PLA2G7: variants seen among roughly 807,000 people sequenced by gnomAD.
PLA2G7 encodes platelet-activating factor acetylhydrolase.
A neutral mutation model predicts 49.6 loss-of-function variants in PLA2G7; 63 were observed. The observed-to-expected ratio is 1.27, with a 90% confidence interval of 1.04 to 1.57. PLA2G7 has a LOEUF of 1.57. Ranked by LOEUF, PLA2G7 falls within the 40% of genes most tolerant of loss-of-function variation. The pLI is 0.00. For missense variants in PLA2G7, 596 were observed against 521.2 expected (o/e 1.14, Z -1.40); for synonymous variants, 193 against 169.9 (o/e 1.14, Z -1.06).
intron 1 of PLA2G7, among the ~76,000 whole-genome samples, chr6:46,733,120 C>T (rs1440255262): frequency 6.6e-6 from 1 of 152,306 alleles, no homozygotes; most frequent in East Asian, 1.9e-4. Flanking sequence ...GCTCCCACTC[C>T]AGCTGCTCAG....
chr6:46,732,766 G>A (rs987732586), intron 1 of PLA2G7, among the ~76,000 whole-genome samples: 1 of 152,144 alleles, frequency 6.6e-6, no homozygotes, highest in African/African-American at 2.4e-5. Context: ...TGAGCAAAAT[G>A]ACAGTGAGGG....
intron 1 of PLA2G7, 112 bp from the exon 2 acceptor site, chr6:46,723,037 T>C (rs1765451799): frequency 3.0e-6 from 2 of 658,748 alleles, no homozygotes; most frequent in Non-Finnish European, 5.5e-6. Flanking sequence ...AAATAAAACA[T>C]GTATTTTCTG....
intron 8 of PLA2G7, among the ~76,000 whole-genome samples, chr6:46,710,276 A>G (rs1764966594): frequency 1.3e-5 from 2 of 152,176 alleles, no homozygotes; most frequent in Non-Finnish European, 2.9e-5. Context: ...TAATACTTCC[A>G]CAGGAGTTGA....
At chr6:46,706,298 TCTCA>T (rs1307275506) in intron 10 of PLA2G7, among the ~76,000 whole-genome samples, 2 of 151,952 alleles carry the variant, frequency 1.3e-5, no homozygotes, top group Non-Finnish European at 2.9e-5. Context: ...CTTAACTCCC[TCTCA>T]CTCTTCCCCA....
intron 1 of PLA2G7, 51 bp from the exon 2 acceptor site, chr6:46,722,976 T>A: frequency 2.6e-6 from 2 of 762,116 alleles, no homozygotes; most frequent in Non-Finnish European, 4.7e-6. Flanking sequence ...GAAGAGGCCT[T>A]AAATAAGCTG....
intron 2 of PLA2G7, among the ~76,000 whole-genome samples, chr6:46,718,081 C>G (rs1321289383): frequency 1.3e-5 from 2 of 152,192 alleles, no homozygotes; most frequent in Non-Finnish European, 2.9e-5. Context: ...CGCTGACCCT[C>G]TAGCTCAACT....
chr6:46,709,209 C>A, intron 9 of PLA2G7, 118 bp downstream of exon 9: 1 of 687,220 alleles, frequency 1.5e-6, no homozygotes, highest in Non-Finnish European at 2.6e-6. Context: ...AAAAGAATAG[C>A]CTTATAAACT....
chr6:46,708,157 C>A lies in PLA2G7; in HGVS notation c.874G>T (p.Gly292Cys). 1 of 1,609,310 alleles carries A rather than the reference C, an allele frequency of 6.2e-7. No homozygotes were observed. Among genetic ancestry groups the A allele is most frequent in the Non-Finnish European group, 8.5e-7 (1 of 1,175,854 alleles). Residue 292 changes from glycine (G) to cysteine (C), a missense_variant, in exon 10 of 12, where the codon GGT becomes TGT. Gly to Cys is a radical substitution (Grantham distance 159). Coordinates refer to ENST00000274793, the MANE Select transcript of PLA2G7 (RefSeq NM_005084.4). ...AACATCCATGCATCCAGGGCAATAC[C>A]ACATCTGTAGATATTTGTTGACAAT... ...TLSEDQRFRC[G>C]IALDAWMFPL...
At chr6:46,731,831 T>C (rs1363818794) in intron 1 of PLA2G7, among the ~76,000 whole-genome samples, 2 of 152,172 alleles carry the variant, frequency 1.3e-5, no homozygotes, top group African/African-American at 2.4e-5. Context: ...TCCCATTTTG[T>C]AGATGGGAAA....
In PLA2G7 at chr6:46,704,257, CAGTT is replaced by C. The variant is rs1764705580; in HGVS notation, c.*299_*302del. The C allele has an allele frequency of 3.1e-4, 93 of 300,850 alleles. 1 individual carries two copies. In the South Asian group the frequency reaches 3.6e-3, roughly 12 times the overall value. The allele number at this position is 300,850 out of a possible 1,614,324, so 18.6% of individuals were successfully genotyped here. The stretch of plus-strand genomic sequence containing the variant: ...CTTGTCTGTCAAAGTAATGTAAAAA[CAGTT>C]TTTAACTTCGACACTGAAAAGGAAT... On this transcript the variant is annotated 3_prime_UTR_variant, in exon 12 of 12. Transcript: ENST00000274793.
Position 46,704,631 on chromosome 6 carries a change from C to T in PLA2G7, c.1255G>A (p.Gly419Arg), listed in dbSNP as rs200296788. ...TGATTGGTTGTGTTAATGTTGGTCCCTGGAATAAGATTCTCATCATCTCCT... is the reference window on the plus strand; with the variant it reads ...TGATTGGTTGTGTTAATGTTGGTCCTTGGAATAAGATTCTCATCATCTCCT... ...IEGDDENLIP[G>R]TNINTTNQHI... The change falls in exon 12 of 12, where the codon GGG (glycine) becomes AGG (arginine). Residue 419 changes from glycine to arginine, a missense_variant. Gly to Arg is a moderately radical substitution (Grantham distance 125, BLOSUM62 -2). Coordinates refer to ENST00000274793, the MANE Select transcript of PLA2G7 (RefSeq NM_005084.4). 6.3e-7 allele frequency: 1 copy of T among 1,583,982 alleles called. No individual in the cohort carries two copies.
Position 46,704,509 on chromosome 6 carries a change from CAT to C in PLA2G7, c.*49_*50del, listed in dbSNP as rs766314089. On this transcript the variant is annotated 3_prime_UTR_variant, in exon 12 of 12. Transcript: ENST00000274793. ...ACACACACACACACACACACACACA[CAT>C]AATTTTAGACAGTTTTGAAACAAGA... The C allele has an allele frequency of 8.5e-6, 8 of 945,604 alleles. No homozygotes were observed. Among genetic ancestry groups the C allele is most frequent in the African/African-American group, 3.3e-5 (2 of 60,080 alleles). The allele number at this position is 945,604 out of a possible 1,614,324, so 58.6% of individuals were successfully genotyped here. A position where few individuals can be genotyped will look rare whatever the true frequency, so the allele number is the denominator to read the frequency against.
chr6:46,708,259 T>C, intron 9 of PLA2G7, 98 bp from the exon 10 acceptor site: 3 of 889,928 alleles, frequency 3.4e-6, no homozygotes, highest in Non-Finnish European at 3.8e-6. Flanking sequence ...ACACGCACCA[T>C]ACCAGTTTAT....
intron 1 of PLA2G7, among the ~76,000 whole-genome samples, chr6:46,734,461 A>AC (rs1765844747): frequency 2.4e-5 from 3 of 127,226 alleles, no homozygotes; most frequent in African/African-American, 3.5e-5. Context: ...AGAGAGAGAG[A>AC]GAGAGAGAGA....
intron 6 of PLA2G7, 42 bp downstream of exon 6, chr6:46,712,227 C>T: frequency 1.7e-6 from 2 of 1,192,410 alleles, no homozygotes; most frequent in Admixed American, 1.7e-5. Flanking sequence ...ATTGACATTC[C>T]CTGTAGTTGG....
intron 1 of PLA2G7, among the ~76,000 whole-genome samples, chr6:46,730,152 G>A (rs545192465): frequency 6.6e-6 from 1 of 152,292 alleles, no homozygotes; most frequent in South Asian, 2.1e-4. Flanking sequence ...AAAATAACCA[G>A]AATGATGAGG....
Position 46,730,887 on chromosome 6 carries a change from A to C in PLA2G7, c.-35+4293T>G, listed in dbSNP as rs540668697. ...GTTGATATGGCAAGAGATAAATCATACAGATCCCAGAATTACTATCACATT... is the reference window on the plus strand; with the variant it reads ...GTTGATATGGCAAGAGATAAATCATCCAGATCCCAGAATTACTATCACATT... On this transcript the variant is annotated intron_variant, in intron 1 of 11. Transcript: ENST00000274793. 6.6e-4 allele frequency among the ~76,000 whole-genome samples: 100 copies of C among 152,316 alleles called. No homozygotes were observed. The South Asian group carries it at 0.02, about 30-fold the overall frequency.
At chr6:46,713,970 AC>A (rs1223744732) in intron 5 of PLA2G7, among the ~76,000 whole-genome samples, 4 of 152,244 alleles carry the variant, frequency 2.6e-5, no homozygotes, top group African/African-American at 7.2e-5. Context: ...ATTTCTTAGA[AC>A]CATGCTTCAT....
At chr6:46,711,768 G>A (rs1765031337) in intron 6 of PLA2G7, 149 bp from the exon 7 acceptor site, 1 of 836,968 alleles carries the variant, frequency 1.2e-6, no homozygotes, top group Non-Finnish European at 1.9e-6. Flanking sequence ...AATTAAAGAA[G>A]ACTGTAAAAG....
Sources: allele counts gnomAD v4.1 joint callset (sites outside exome capture counted in the v4.1 genomes callset), GRCh38; gene constraint gnomAD v4.1.1; transcripts MANE v1.5; gene names NCBI Gene and HGNC (gene_info 2026-07-23, HGNC 2026-07-21).